CRB2: variants seen among roughly 807,000 people sequenced by gnomAD.
CRB2 encodes the protein crumbs cell polarity complex component 2.
A neutral mutation model predicts 110.9 loss-of-function variants in CRB2; 85 were observed. The ratio of observed to expected loss-of-function variants is 0.77; its 90% CI spans 0.64 to 0.92. The LOEUF (loss-of-function observed/expected upper bound fraction) is 0.92. CRB2 is among the 40% of genes least tolerant of loss of function. The pLI, the probability that CRB2 is intolerant of heterozygous loss-of-function variation, is 0.00. For synonymous variants in CRB2, 907 were observed against 831.0 expected (o/e 1.09, Z -1.57); for missense variants, 1,843 against 1,851.3 (o/e 1.00, Z 0.08).
chr9:123,359,441 GTTTTTTTTTT>G (rs375773781), intron 1 of CRB2, among the ~76,000 whole-genome samples: 1 of 94,442 alleles, frequency 1.1e-5, no homozygotes. Flanking sequence ...TTTTTGTTTT[GTTTTTTTTTT>G]TTTTTTTTTT....
rs746350541 is a variant in CRB2, at chr9:123,370,969, C to T, written c.1916C>T (p.Thr639Met). 4.4e-6 allele frequency: 7 copies of T among 1,604,600 alleles called. No homozygotes were observed. Among genetic ancestry groups the T allele is most frequent in the Admixed American group, 3.4e-5 (2 of 59,642 alleles). ...TGTGCCCGGCCCCATAGAGGTCCCA[C>T]GTGCGCTGATGGTGAGGAATAAGCC... ...CDCARPHRGP[T>M]CADEIPAATF... is the part of the protein sequence containing the mutation. Residue 639 changes from threonine to methionine, a missense_variant, in exon 7 of 13, where the codon ACG becomes ATG. Thr to Met is a moderately conservative substitution (Grantham distance 81). Coordinates refer to ENST00000373631, the MANE Select transcript of CRB2 (RefSeq NM_173689.7).
At position 123,362,954 on chromosome 9, in the gene CRB2, A is replaced by C. The variant is rs1588206031; in HGVS notation, c.184A>C (p.Thr62Pro). Residue 62 changes from threonine (T) to proline (P), a missense_variant, in exon 2 of 13, where the codon ACC (threonine) becomes CCC (proline). Coordinates refer to ENST00000373631, the MANE Select transcript of CRB2 (RefSeq NM_173689.7). The stretch of plus-strand genomic sequence containing the variant: ...CCAGGCTACCGAGAGTGGTGGCTAT[A>C]CCTGTGGGCCCATGGAGCCCCGGGG... ...ECQATESGGY[T>P]CGPMEPRGCA... 2.5e-6 allele frequency: 4 copies of C among 1,610,462 alleles called. No individual in the cohort carries two copies. The highest frequency in any genetic ancestry group is 3.4e-6 in the Non-Finnish European group (4 of 1,177,944).
At chr9:123,357,343 G>T (rs1472290094) in intron 1 of CRB2, among the ~76,000 whole-genome samples, 1 of 151,982 alleles carries the variant, frequency 6.6e-6, no homozygotes, top group Non-Finnish European at 1.5e-5. Flanking sequence ...TGGGGAGGGA[G>T]CCAAGGAGGG....
chr9:123,357,488 A>T (rs986399999), intron 1 of CRB2, among the ~76,000 whole-genome samples: 3 of 151,924 alleles, frequency 2.0e-5, no homozygotes, highest in Non-Finnish European at 4.4e-5. Flanking sequence ...TTCATTTCCT[A>T]TCCTCTCTAT....
In CRB2 at chr9:123,367,630, GCCACTGC is replaced by G. The variant is rs1169612895; in HGVS notation, c.1000_1006del (p.His334ArgfsTer108). ...GCCTCACGGCCATGCCTCAACGGAG[GCCACTGC>G]CAGGACCTGCCCAATGGCTTCCAGT... On this transcript the variant is annotated frameshift_variant, in exon 6 of 13. Transcript: ENST00000373631. LOFTEE classifies it high-confidence loss of function. 2.5e-5 allele frequency: 40 copies of G among 1,570,790 alleles called. No homozygotes were observed. The highest frequency in any genetic ancestry group is 3.3e-5 in the Non-Finnish European group (38 of 1,158,794).
At chr9:123,368,970 G>A in intron 6 of CRB2, 1 of 1,205,012 alleles carries the variant, frequency 8.3e-7, no homozygotes, top group Non-Finnish European at 1.1e-6. Flanking sequence ...TGGGCCCTGG[G>A]CAGGGGGAGG....
rs1284847582 is a variant in CRB2 at position 123,377,800 on chromosome 9, G to A, written c.*738G>A. Reference sequence around the variant, plus strand: ...CCCCCTCAGCCGGAGCAGCCCGAGGGAGCAGAGGAGGGGCTGCCTGGAGCT... The same window carrying A: ...CCCCCTCAGCCGGAGCAGCCCGAGGAAGCAGAGGAGGGGCTGCCTGGAGCT... On this transcript the variant is annotated 3_prime_UTR_variant, in exon 13 of 13. Transcript: ENST00000373631. 6.6e-6 allele frequency: 1 copy of A among 152,342 alleles called. No homozygotes were observed. Among genetic ancestry groups the A allele is most frequent in the Non-Finnish European group, 1.5e-5 (1 of 68,112 alleles). 9.4% of individuals were successfully genotyped at this position (152,342 alleles called of 1,614,324 possible). A position where few individuals can be genotyped will look rare whatever the true frequency, so the allele number is the denominator to read the frequency against.
intron 5 of CRB2, 60 bp downstream of exon 5, chr9:123,367,417 G>GTC: frequency 7.9e-7 from 1 of 1,269,296 alleles, no homozygotes; most frequent in Non-Finnish European, 1.0e-6. Context: ...GGGATCTTGT[G>GTC]CCCACCCCCC....
intron 2 of CRB2, among the ~76,000 whole-genome samples, chr9:123,364,334 G>T (rs1046350213): frequency 7.1e-6 from 1 of 141,278 alleles, no homozygotes; most frequent in East Asian, 2.0e-4. Flanking sequence ...AGTGGGTTGT[G>T]TGGGCAGTGG....
At position 123,377,396 on chromosome 9, in the gene CRB2, G is replaced by A. The variant is rs1045357228; in HGVS notation, c.*334G>A. 2 of 257,958 alleles carry A rather than the reference G, an allele frequency of 7.8e-6. No individual in the cohort carries two copies. Among genetic ancestry groups the A allele is most frequent in the Non-Finnish European group, 1.5e-5 (2 of 136,476 alleles). The allele number at this position is 257,958 out of a possible 1,614,324, so 16.0% of individuals were successfully genotyped here. On this transcript the variant is annotated 3_prime_UTR_variant, in exon 13 of 13. Transcript: ENST00000373631. ...TGTGTGTGAGTGTGTACCTGGGCCT[G>A]TGTTAGTCTGCAGATGCTAGTGTGA...
intron 1 of CRB2, among the ~76,000 whole-genome samples, chr9:123,357,778 A>C (rs2041817344): frequency 6.6e-6 from 1 of 152,258 alleles, no homozygotes; most frequent in Admixed American, 6.5e-5. Flanking sequence ...ACACAGCACC[A>C]CAGGGACAGG....
At chr9:123,376,174 T>C (rs1451862429) in intron 12 of CRB2, among the ~76,000 whole-genome samples, 1 of 152,142 alleles carries the variant, frequency 6.6e-6, no homozygotes, top group Non-Finnish European at 1.5e-5. Context: ...CCAGAGGAAC[T>C]TTCCTGTCAA....
intron 4 of CRB2, 38 bp downstream of exon 4, chr9:123,366,404 G>A: frequency 6.6e-7 from 1 of 1,517,410 alleles, no homozygotes; most frequent in Non-Finnish European, 8.7e-7. Flanking sequence ...CGGGGGGAGG[G>A]GTAGGTGTGC....
intron 1 of CRB2, among the ~76,000 whole-genome samples, chr9:123,359,473 G>C (rs1408498791): frequency 8.9e-6 from 1 of 112,364 alleles, no homozygotes; most frequent in East Asian, 2.3e-4. Context: ...TTTTAAGAAA[G>C]GGTCTCACCC....
chr9:123,373,797 C>A lies in CRB2; in HGVS notation c.3266C>A (p.Pro1089Gln). The change falls in exon 10 of 13, where the codon CCG becomes CAG. Residue 1089 changes from proline (P) to glutamine (Q), a missense_variant. Transcript: ENST00000373631. ...GCCTGCGGCCCGGGGTGGGAAGGCC[C>A]GCGCTGCGAAGCCCACGTCGACCCC... ...ACACGPGWEG[P>Q]RCEAHVDPCH... 6.3e-7 allele frequency: 1 copy of A among 1,590,484 alleles called. No individual in the cohort carries two copies. The highest frequency in any genetic ancestry group is 8.5e-7 in the Non-Finnish European group (1 of 1,176,250).
At chr9:123,369,974 C>G (rs2041989609) in intron 6 of CRB2, 134 bp from the exon 7 acceptor site, 9 of 1,082,472 alleles carry the variant, frequency 8.3e-6, no homozygotes, top group Non-Finnish European at 1.2e-5. Context: ...TTGAGGGGAC[C>G]ATGAGAAATC....
At chr9:123,364,098 C>T (rs1033357753) in intron 2 of CRB2, among the ~76,000 whole-genome samples, 41 of 152,170 alleles carry the variant, frequency 2.7e-4, no homozygotes, top group Admixed American at 2.6e-3. Flanking sequence ...GGGCCTACAG[C>T]GAAGAGATGG....
chr9:123,370,228 A>G lies in CRB2; in HGVS notation c.1175A>G (p.Asp392Gly), dbSNP rs1019759525. 1 of 1,613,094 alleles carries G rather than the reference A, an allele frequency of 6.2e-7. No homozygotes were observed. Among genetic ancestry groups the G allele is most frequent in the African/African-American group, 1.3e-5 (1 of 74,926 alleles). Residue 392 changes from aspartate (D) to glycine (G), a missense_variant, in exon 7 of 13, where the codon GAC becomes GGC. Transcript: ENST00000373631. ...TGCCCAGAGACCTGGGGTGGGCGCG[A>G]CTGTTCTGTGCAGCTCACTGGCTGC... The part of the protein sequence containing the change: ...CRCPETWGGR[D>G]CSVQLTGCQG...
At chr9:123,374,501 G>A (rs994136209) in intron 10 of CRB2, 78 bp from the exon 11 acceptor site, 2 of 987,908 alleles carry the variant, frequency 2.0e-6, no homozygotes, top group Non-Finnish European at 3.1e-6. Flanking sequence ...CACAAGCTCA[G>A]GTGGCCCACG....
Sources: allele counts gnomAD v4.1 joint callset (sites outside exome capture counted in the v4.1 genomes callset), GRCh38; gene constraint gnomAD v4.1.1; transcripts MANE v1.5; gene names NCBI Gene and HGNC (gene_info 2026-07-23, HGNC 2026-07-21).